The following PDE11A variants were observed in gnomAD, a reference collection of about 807,000 sequenced individuals.
PDE11A encodes phosphodiesterase 11A, also known as dual 3',5'-cyclic-AMP and -GMP phosphodiesterase 11A.
Under a neutral mutation model 100.5 loss-of-function variants are expected in PDE11A, and 100 were observed. The ratio of observed to expected loss-of-function variants is 1.00; its 90% CI spans 0.85 to 1.18. The LOEUF (loss-of-function observed/expected upper bound fraction) is 1.18, where lower values mean the gene tolerates loss of function less well. Ranked by LOEUF, PDE11A falls within the 50% of genes most tolerant of loss-of-function variation. PDE11A has a pLI of 0.00. For synonymous variants in PDE11A, 381 were observed against 420.8 expected, an observed-to-expected ratio of 0.91 and a Z score of 1.16; for missense variants, 1,141 against 1,152.6, an observed-to-expected ratio of 0.99 and a Z score of 0.15.
chr2:177,993,272 T>C (rs1177918880), intron 2 of PDE11A, among the ~76,000 whole-genome samples: 2 of 152,194 alleles, frequency 1.3e-5, no homozygotes, highest in Admixed American at 1.3e-4. Context: ...GGTTTTCTAA[T>C]TGTGTAACCT....
chr2:177,783,765 T>A (rs752019445), intron 9 of PDE11A, among the ~76,000 whole-genome samples: 10 of 152,252 alleles, frequency 6.6e-5, no homozygotes, highest in Non-Finnish European at 1.2e-4. Flanking sequence ...TTTTCCAGCC[T>A]ATTCACTTAG....
At chr2:177,984,866 T>C (rs1298756640) in intron 2 of PDE11A, among the ~76,000 whole-genome samples, 1 of 152,218 alleles carries the variant, frequency 6.6e-6, no homozygotes, top group Non-Finnish European at 1.5e-5. Context: ...GCTCGCCTTG[T>C]AGAGCAGAGA....
chr2:178,089,392 G>T (rs2087394554), intron 2 of PDE11A, among the ~76,000 whole-genome samples: 1 of 152,232 alleles, frequency 6.6e-6, no homozygotes, highest in South Asian at 2.1e-4. Flanking sequence ...GTCAAGTGGA[G>T]CTTATAGCTA....
intron 10 of PDE11A, among the ~76,000 whole-genome samples, chr2:177,749,149 AGAGT>A: frequency 1.3e-5 from 2 of 152,268 alleles, no homozygotes; most frequent in South Asian, 2.1e-4. Flanking sequence ...GACACTATAT[AGAGT>A]ATCACCCATC....
chr2:177,820,335 AC>A, intron 6 of PDE11A, 40 bp from the exon 7 acceptor site: 2 of 1,072,816 alleles, frequency 1.9e-6, no homozygotes, highest in Non-Finnish European at 2.9e-6. Context: ...TTGAATATTA[AC>A]TATTCATTTT....
chr2:177,783,633 C>T (rs1157978151), intron 9 of PDE11A, among the ~76,000 whole-genome samples: 1 of 152,158 alleles, frequency 6.6e-6, no homozygotes, highest in Non-Finnish European at 1.5e-5. Flanking sequence ...ACTAAAGATG[C>T]TTTAAGTCTA....
chr2:178,072,407 C>G lies in PDE11A; in HGVS notation c.31G>C (p.Val11Leu). 1 of 1,613,616 alleles carries G rather than the reference C, an allele frequency of 6.2e-7. No homozygotes were observed. Among genetic ancestry groups the G allele is most frequent in the South Asian group, 1.1e-5 (1 of 91,084 alleles). Residue 11 changes from valine to leucine, a missense_variant, in exon 1 of 20, where the codon GTG becomes CTG. By Grantham distance (32) the Val-to-Leu change is conservative. Coordinates refer to ENST00000286063, the MANE Select transcript of PDE11A (RefSeq NM_016953.4). The part of the protein sequence containing the change: MAASRLDFGE[V>L]ETFLDRHPEL... ...GGGTGCCTGTCCAGGAAAGTTTCCA[C>G]CTCCCCAAAGTCCAGGCGGGAGGCT...
At chr2:177,745,891 C>T (rs2081940903) in intron 10 of PDE11A, among the ~76,000 whole-genome samples, 1 of 152,154 alleles carries the variant, frequency 6.6e-6, no homozygotes, top group Non-Finnish European at 1.5e-5. Flanking sequence ...ACTAGGGAGC[C>T]CAAGAGGTCC....
At chr2:178,016,814 T>C (rs1426250573) in intron 1 of PDE11A, among the ~76,000 whole-genome samples, 1 of 152,094 alleles carries the variant, frequency 6.6e-6, no homozygotes, top group Non-Finnish European at 1.5e-5. Flanking sequence ...CAAAGGTCAA[T>C]GTGGCTAGAG....
chr2:178,072,851 G>A (rs1553506084), upstream of PDE11A: 1 of 1,160,944 alleles, frequency 8.6e-7, no homozygotes, highest in Non-Finnish European at 1.1e-6. Context: ...CTGGAGGGAG[G>A]AGAGAAGAGG....
rs763493838 is a variant in PDE11A at position 178,096,169 on chromosome 2, C to CTTTTCTTTTTT, written c.162+8132_162+8133insAAAAAAGAAAA. Among the ~76,000 whole-genome samples the CTTTTCTTTTTT allele has an allele frequency of 3.0e-4, 36 of 120,132 alleles. No individual in the cohort carries two copies. In the South Asian group the frequency reaches 3.9e-3, roughly 13 times the overall value. The allele number at this position is 120,132 out of a possible 152,430, so 78.8% of individuals were successfully genotyped here. A position where few individuals can be genotyped will look rare whatever the true frequency, so the allele number is the denominator to read the frequency against. On this transcript the variant is annotated intron_variant, in intron 2 of 20. Transcript: ENST00000358450. The stretch of plus-strand genomic sequence containing the variant: ...AGAAAACAGGTTTTTCTTTTCTTTT[C>CTTTTCTTTTTT]TTTTTTTTTTTTGAGATGGAGTCTC...
Position 177,896,127 on chromosome 2 carries a change from G to A in PDE11A, c.1302+1931C>T, listed in dbSNP as rs776500716. ...AATGTTCAGCAGTGATAGCAAAGAGGCCTTTTGAACTTTCAGTAGAATACC... is the reference window on the plus strand; with the variant it reads ...AATGTTCAGCAGTGATAGCAAAGAGACCTTTTGAACTTTCAGTAGAATACC... On this transcript the variant is annotated intron_variant, in intron 4 of 19. Transcript: ENST00000286063. Among the ~76,000 whole-genome samples the A allele has an allele frequency of 7.7e-4, 117 of 152,078 alleles. 3 individuals carry two copies. The highest frequency in any genetic ancestry group is 2.6e-4 in the Non-Finnish European group (18 of 68,006).
intron 1 of PDE11A, among the ~76,000 whole-genome samples, chr2:178,058,561 GC>G: frequency 6.6e-6 from 1 of 152,280 alleles, no homozygotes; most frequent in Admixed American, 6.5e-5. Flanking sequence ...AGTCCATTAA[GC>G]CTCTTTTTCT....
At chr2:177,750,326 C>T (rs2082009051) in intron 10 of PDE11A, among the ~76,000 whole-genome samples, 1 of 152,178 alleles carries the variant, frequency 6.6e-6, no homozygotes, top group Non-Finnish European at 1.5e-5. Context: ...AATGAAGCAG[C>T]TTTGAAATAT....
At chr2:178,090,022 T>C (rs2087402050) in intron 2 of PDE11A, among the ~76,000 whole-genome samples, 1 of 152,238 alleles carries the variant, frequency 6.6e-6, no homozygotes, top group Non-Finnish European at 1.5e-5. Context: ...ACAAGTATAA[T>C]TTGTAACTGG....
chr2:177,948,823 T>C (rs1394445827), intron 2 of PDE11A, among the ~76,000 whole-genome samples: 2 of 152,142 alleles, frequency 1.3e-5, no homozygotes, highest in Non-Finnish European at 2.9e-5. Flanking sequence ...GTAGGGGGGA[T>C]TGCTTGAGCC....
chr2:177,652,810 G>A (rs566605947), intron 19 of PDE11A, among the ~76,000 whole-genome samples: 87 of 152,290 alleles, frequency 5.7e-4, no homozygotes, highest in South Asian at 1.7e-3. Context: ...TGATGGCAAT[G>A]GAAGCTTTTT....
At chr2:177,672,644 A>G (rs1173997969) in intron 17 of PDE11A, among the ~76,000 whole-genome samples, 1 of 152,224 alleles carries the variant, frequency 6.6e-6, no homozygotes, top group Admixed American at 6.5e-5. Flanking sequence ...ATGAGATTAG[A>G]AAACAAAATG....
rs754175391 is a variant in PDE11A, at chr2:177,872,402, G to T, written c.1367+3457C>A. On this transcript the variant is annotated intron_variant, in intron 5 of 19. Transcript: ENST00000286063. Reference sequence around the variant, plus strand: ...CACACTTCATGGAGGGAGATGGATTGAATCATTTCCAGCTCTTGAATTGAT... The same window carrying T: ...CACACTTCATGGAGGGAGATGGATTTAATCATTTCCAGCTCTTGAATTGAT... Among the ~76,000 whole-genome samples, 24 of 152,280 alleles carry T rather than the reference G, an allele frequency of 1.6e-4. No homozygotes were observed. The South Asian group carries it at 2.1e-3, about 13-fold the overall frequency.
Sources: gnomAD v4.1 joint callset for allele counts (sites outside exome capture counted in the v4.1 genomes callset) on GRCh38, gnomAD v4.1.1 for gene constraint, MANE v1.5 for transcripts, NCBI Gene and HGNC (gene_info 2026-07-23, HGNC 2026-07-21) for gene names.